The following LRRC74A variants were observed in gnomAD, a reference collection of about 807,000 sequenced individuals.
The protein encoded by LRRC74A is leucine-rich repeat-containing protein 74A.
Under a neutral mutation model 57.9 loss-of-function variants are expected in LRRC74A, and 44 were observed. That is an observed-to-expected ratio of 0.76 (90% CI 0.60 to 0.98). LRRC74A has a LOEUF of 0.98. Among genes scored for constraint, LRRC74A ranks in the 50% least tolerant of loss-of-function variants. The pLI, the probability that LRRC74A is intolerant of heterozygous loss-of-function variation, is 0.00. For missense variants in LRRC74A, 572 were observed against 574.0 expected (o/e 1.00, Z 0.04); for synonymous variants, 211 against 219.4 (o/e 0.96, Z 0.34).
At chr14:76,865,711 G>A (rs1378236339) in intron 11 of LRRC74A, among the ~76,000 whole-genome samples, 1 of 152,164 alleles carries the variant, frequency 6.6e-6, no homozygotes, top group Admixed American at 6.5e-5. Flanking sequence ...AGTGCCAAGG[G>A]GCTCCTAGAA....
Position 76,831,284 on chromosome 14 carries a change from A to C in LRRC74A, c.248A>C (p.Tyr83Ser). The C allele has an allele frequency of 6.2e-7, 1 of 1,614,032 alleles. No individual in the cohort carries two copies. Among genetic ancestry groups the C allele is most frequent in the South Asian group, 1.1e-5 (1 of 91,082 alleles). Residue 83 changes from tyrosine (Y) to serine (S), a missense_variant, in exon 3 of 14, where the codon TAC becomes TCC. Transcript: ENST00000689127. ...CKLMGVVPVS[Y>S]FIRNMEESYV... ...CTGATGGGTGTAGTGCCTGTCTCCT[A>C]CTTCATTCGGAACATGGAGGAGTCC... is the stretch of plus-strand genomic sequence containing the variant.
At chr14:76,833,062 T>A (rs1896077681) in intron 3 of LRRC74A, among the ~76,000 whole-genome samples, 1 of 152,128 alleles carries the variant, frequency 6.6e-6, no homozygotes, top group African/African-American at 2.4e-5. Context: ...AAATATTATT[T>A]ATAAAGGATC....
rs757025209 is a variant in LRRC74A at position 76,870,175 on chromosome 14, C to A, written c.*26C>A. 2 of 1,606,552 alleles carry A rather than the reference C, an allele frequency of 1.2e-6. No homozygotes were observed. Among genetic ancestry groups the A allele is most frequent in the Admixed American group, 3.4e-5 (2 of 58,904 alleles). On this transcript the variant is annotated 3_prime_UTR_variant, in exon 14 of 14. Transcript: ENST00000689127. ...CAACAAGTCTGGTCTAGAAAGAAGT[C>A]TCGGCGAGAGGAGTCCTCGCAAGTC...
chr14:76,853,962 TCCCCCAG>T (rs1278581378), intron 9 of LRRC74A, among the ~76,000 whole-genome samples: 29 of 151,904 alleles, frequency 1.9e-4, no homozygotes, highest in Admixed American at 1.9e-3. Flanking sequence ...CCATTCCCCT[TCCCCCAG>T]CCCCTCAGTC....
chr14:76,868,646 T>C (rs564721801), intron 13 of LRRC74A, among the ~76,000 whole-genome samples: 19 of 152,210 alleles, frequency 1.2e-4, no homozygotes, highest in Middle Eastern at 3.4e-3. Flanking sequence ...TGAGCTCCCA[T>C]CTGTCTTGGT....
In LRRC74A at chr14:76,857,476, G is replaced by C. The variant is rs778327241; in HGVS notation, c.1053+1G>C. The C allele has an allele frequency of 6.4e-7, 1 of 1,565,918 alleles. No individual in the cohort carries two copies. The highest frequency in any genetic ancestry group is 2.3e-5 in the East Asian group (1 of 42,910). ...CAGGATGGAAGAGCTTGATATTTCC[G>C]TAAGTGATCAAATGGTAGTTGCTTG... On this transcript the variant is annotated splice_donor_variant, in intron 10 of 13. Coordinates refer to ENST00000689127, the MANE Select transcript of LRRC74A (RefSeq NM_001385106.1). LOFTEE classifies it high-confidence loss of function.
chr14:76,869,929 A>AGT (rs1247517425), intron 13 of LRRC74A, among the ~76,000 whole-genome samples, 196 bp from the exon 14 acceptor site: 22 of 151,784 alleles, frequency 1.4e-4, no homozygotes, highest in African/African-American at 2.4e-4. Context: ...CATACTTATA[A>AGT]GTGTGTGTGT....
intron 2 of LRRC74A, chr14:76,828,717 C>T (rs771154418): frequency 2.0e-6 from 1 of 495,464 alleles, no homozygotes; most frequent in South Asian, 1.6e-5. Flanking sequence ...AATGTTTCCA[C>T]GTGGGGCATC....
chr14:76,870,286 T>A lies in LRRC74A; in HGVS notation c.*137T>A, dbSNP rs534767789. ...AGGGGCTGGGCACAAGCAAATAAAGTCTGGCTTGGTTCTGGGTGTCTTGGG... is the reference window on the plus strand; with the variant it reads ...AGGGGCTGGGCACAAGCAAATAAAGACTGGCTTGGTTCTGGGTGTCTTGGG... On this transcript the variant is annotated 3_prime_UTR_variant, in exon 14 of 14. Coordinates refer to ENST00000689127, the MANE Select transcript of LRRC74A (RefSeq NM_001385106.1). The A allele has an allele frequency of 1.0e-6, 1 of 1,004,564 alleles. No individual in the cohort carries two copies. Among genetic ancestry groups the A allele is most frequent in the African/African-American group, 1.6e-5 (1 of 62,166 alleles). 62.2% of individuals were successfully genotyped at this position (1,004,564 alleles called of 1,614,324 possible).
chr14:76,827,923 G>C (rs1895690409), intron 1 of LRRC74A, among the ~76,000 whole-genome samples: 1 of 140,182 alleles, frequency 7.1e-6, no homozygotes, highest in South Asian at 2.6e-4. Context: ...CTATGTATCG[G>C]GACCCACCCT....
intron 9 of LRRC74A, 73 bp downstream of exon 9, chr14:76,853,483 G>A: frequency 7.5e-7 from 1 of 1,328,482 alleles, no homozygotes; most frequent in Non-Finnish European, 1.0e-6. Flanking sequence ...GTTGGGATAA[G>A]TTGGGGGCTG....
chr14:76,854,034 G>T (rs1897708137), intron 9 of LRRC74A, among the ~76,000 whole-genome samples: 1 of 151,940 alleles, frequency 6.6e-6, no homozygotes, highest in South Asian at 2.1e-4. Flanking sequence ...GATCCTGTTC[G>T]CTGAGCCCCA....
At chr14:76,842,365 C>T (rs1170809907) in intron 5 of LRRC74A, among the ~76,000 whole-genome samples, 1 of 152,164 alleles carries the variant, frequency 6.6e-6, no homozygotes, top group African/African-American at 2.4e-5. Flanking sequence ...GCTAAGACCC[C>T]TAACATAATG....
chr14:76,851,987 C>T (rs759291337), intron 7 of LRRC74A, among the ~76,000 whole-genome samples: 5 of 152,028 alleles, frequency 3.3e-5, no homozygotes, highest in Non-Finnish European at 7.4e-5. Flanking sequence ...ATAAATGATG[C>T]CATGGTAAAC....
intron 3 of LRRC74A, among the ~76,000 whole-genome samples, chr14:76,832,215 G>C (rs892857074): frequency 6.6e-6 from 1 of 152,210 alleles, no homozygotes; most frequent in Admixed American, 6.5e-5. Context: ...CACTGAAACA[G>C]CAGAGTTTGC....
chr14:76,863,561 C>T (rs974522325), intron 11 of LRRC74A, among the ~76,000 whole-genome samples: 35 of 152,318 alleles, frequency 2.3e-4, no homozygotes, highest in Admixed American at 2.0e-3. Context: ...TGGTCAAGAG[C>T]GAACGCCCTT....
At chr14:76,828,261 G>A in intron 1 of LRRC74A, 30 bp from the exon 2 acceptor site, 1 of 1,562,870 alleles carries the variant, frequency 6.4e-7, no homozygotes, top group South Asian at 1.2e-5. Context: ...TTTTATTCCT[G>A]GCATCAAGGA....
Position 76,857,379 on chromosome 14 carries a change from GC to G in LRRC74A, c.958del (p.Leu320PhefsTer3). 1 of 1,568,248 alleles carries G rather than the reference GC, an allele frequency of 6.4e-7. No individual in the cohort carries two copies. The highest frequency in any genetic ancestry group is 8.7e-7 in the Non-Finnish European group (1 of 1,153,922). ...CTCTTGTCTTGATTCTCCCTCTATA[GC>G]TTTTCCTGAATCCCATAAATATGGA... Reference protein sequence around the residue: ...ESNESLRVLKLFLNPINMDGA... With the variant: ...ESNESLRVLKXFLNPINMDGA... On this transcript the variant is annotated frameshift_variant and splice_region_variant, in exon 10 of 14. Transcript: ENST00000689127. LOFTEE classifies it high-confidence loss of function.
chr14:76,827,450 G>A (rs1366436076), intron 1 of LRRC74A, among the ~76,000 whole-genome samples: 1 of 152,136 alleles, frequency 6.6e-6, no homozygotes, highest in African/African-American at 2.4e-5. Context: ...TCAGAGGCAT[G>A]GCATGGCTTC....
Sources: allele counts gnomAD v4.1 joint callset (sites outside exome capture counted in the v4.1 genomes callset), GRCh38; gene constraint gnomAD v4.1.1; transcripts MANE v1.5; gene names NCBI Gene and HGNC (gene_info 2026-07-23, HGNC 2026-07-21).